CORO2A: variants seen among roughly 807,000 people sequenced by gnomAD.
The protein encoded by CORO2A is coronin-2A.
Under a neutral mutation model 62.4 loss-of-function variants are expected in CORO2A, and 47 were observed. The observed-to-expected ratio is 0.75, with a 90% CI of 0.60 to 0.96. The LOEUF is 0.96. Among genes scored for constraint, CORO2A ranks in the 40% least tolerant of loss-of-function variants. CORO2A has a pLI of 0.00. For synonymous variants in CORO2A, 273 were observed against 268.9 expected (o/e 1.02, Z -0.15); for missense variants, 610 against 684.1 (o/e 0.89, Z 1.21).
intron 3 of CORO2A, among the ~76,000 whole-genome samples, chr9:98,135,276 A>C (rs1000757000): frequency 3.9e-5 from 6 of 152,168 alleles, no homozygotes; most frequent in South Asian, 2.1e-4. Flanking sequence ...GCTGGGTTTC[A>C]GGCCTGTCTC....
intron 2 of CORO2A, among the ~76,000 whole-genome samples, chr9:98,147,474 A>G (rs1827656970): frequency 1.3e-5 from 2 of 152,192 alleles, no homozygotes; most frequent in African/African-American, 2.4e-5. Flanking sequence ...TATTATTTTT[A>G]TCTACTTTTG....
At chr9:98,162,243 T>C (rs1564212514) in intron 1 of CORO2A, among the ~76,000 whole-genome samples, 1 of 152,106 alleles carries the variant, frequency 6.6e-6, no homozygotes, top group African/African-American at 2.4e-5. Flanking sequence ...ATACCCATGA[T>C]GACAATAGCT....
intron 1 of CORO2A, among the ~76,000 whole-genome samples, chr9:98,177,471 T>A: frequency 7.2e-6 from 1 of 138,084 alleles, no homozygotes; most frequent in Non-Finnish European, 1.5e-5. Flanking sequence ...TTTTTTTTTT[T>A]TTTTTTTTTG....
intron 1 of CORO2A, among the ~76,000 whole-genome samples, chr9:98,184,759 G>C (rs1828218557): frequency 1.3e-5 from 2 of 152,148 alleles, no homozygotes; most frequent in South Asian, 4.1e-4. Flanking sequence ...TTAAATCAAG[G>C]GGTGTGTGGT....
intron 6 of CORO2A, among the ~76,000 whole-genome samples, chr9:98,131,436 T>C (rs1396426410): frequency 6.6e-6 from 1 of 151,738 alleles, no homozygotes; most frequent in Non-Finnish European, 1.5e-5. Flanking sequence ...AGCGATCCTC[T>C]CGCCTCAGTC....
intron 2 of CORO2A, among the ~76,000 whole-genome samples, chr9:98,156,958 A>G (rs546999333): frequency 2.0e-4 from 31 of 152,142 alleles, no homozygotes; most frequent in Non-Finnish European, 3.5e-4. Context: ...CTATGTGAAA[A>G]TGTTGCTTTT....
intron 1 of CORO2A, among the ~76,000 whole-genome samples, chr9:98,186,682 A>T (rs991408191): frequency 1.1e-4 from 16 of 152,234 alleles, no homozygotes; most frequent in Non-Finnish European, 2.2e-4. Flanking sequence ...TCCATTTTAA[A>T]ACGGGAGAAA....
In CORO2A at chr9:98,178,591, A is replaced by G. The variant is rs1242876549; in HGVS notation, c.-1+13968T>C. On this transcript the variant is annotated intron_variant, in intron 1 of 11. Transcript: ENST00000375077. Reference sequence around the variant, plus strand: ...CAGACTAAAGAGTAAGGGAGTCCTCATTACCCTTTCTCAGAGTGTTTCCCC... The same window carrying G: ...CAGACTAAAGAGTAAGGGAGTCCTCGTTACCCTTTCTCAGAGTGTTTCCCC... Among the ~76,000 whole-genome samples the G allele has an allele frequency of 3.9e-5, 6 of 152,250 alleles. No homozygotes were observed. The East Asian group carries it at 1.2e-3, about 29-fold the overall frequency.
At position 98,154,812 on chromosome 9, in the gene CORO2A, G is replaced by A. The variant is rs141688919; in HGVS notation, c.201+2648C>T. The stretch of plus-strand genomic sequence containing the variant: ...TGTGGTTTTGTACATTCACTTGTAT[G>A]GATATGCCATAATTTATTTATGAAG... On this transcript the variant is annotated intron_variant, in intron 2 of 11. Transcript: ENST00000375077. Among the ~76,000 whole-genome samples, 1,055 of 152,226 alleles carry A rather than the reference G, an allele frequency of 6.9e-3. 9 individuals carry two copies. Among genetic ancestry groups the A allele is most frequent in the African/African-American group, 0.023 (952 of 41,526 alleles).
intron 1 of CORO2A, among the ~76,000 whole-genome samples, chr9:98,173,378 C>T (rs528453808): frequency 3.3e-5 from 5 of 152,314 alleles, no homozygotes; most frequent in Middle Eastern, 6.8e-3. Flanking sequence ...ATCTCCACTT[C>T]GTGAGTGTGG....
intron 1 of CORO2A, among the ~76,000 whole-genome samples, chr9:98,186,952 C>T (rs10818585): frequency 0.57 from 87,152 of 151,926 alleles, 26,744 homozygotes; most frequent in African/African-American, 0.82. Flanking sequence ...CACCTGTCTT[C>T]GTCCGTTGCT....
At chr9:98,127,099 T>C (rs1158509079) in intron 10 of CORO2A, among the ~76,000 whole-genome samples, 1 of 152,206 alleles carries the variant, frequency 6.6e-6, no homozygotes, top group Non-Finnish European at 1.5e-5. Context: ...CAAACTCACA[T>C]GAGACCTTGC....
At chr9:98,153,381 G>T (rs539682178) in intron 2 of CORO2A, among the ~76,000 whole-genome samples, 107 of 150,616 alleles carry the variant, frequency 7.1e-4, no homozygotes, top group African/African-American at 2.5e-3. Context: ...GATTACAGGC[G>T]TAAGCCAGCG....
intron 1 of CORO2A, among the ~76,000 whole-genome samples, chr9:98,166,243 G>A (rs1370807720): frequency 6.6e-6 from 1 of 152,098 alleles, no homozygotes; most frequent in Non-Finnish European, 1.5e-5. Flanking sequence ...AAATAGAAGA[G>A]CTAAATCTAT....
intron 8 of CORO2A, among the ~76,000 whole-genome samples, chr9:98,129,187 G>A (rs959090325): frequency 6.6e-6 from 1 of 152,190 alleles, no homozygotes; most frequent in African/African-American, 2.4e-5. Flanking sequence ...GCCTCCCAAA[G>A]TGCTGGATTA....
chr9:98,138,008 T>C (rs1827512043), intron 2 of CORO2A, among the ~76,000 whole-genome samples: 1 of 152,210 alleles, frequency 6.6e-6, no homozygotes, highest in Non-Finnish European at 1.5e-5. Context: ...CACACACTGC[T>C]GGTAGGCATG....
intron 3 of CORO2A, among the ~76,000 whole-genome samples, chr9:98,135,464 C>A (rs1802952678): frequency 6.6e-6 from 1 of 152,112 alleles, no homozygotes; most frequent in African/African-American, 2.4e-5. Flanking sequence ...GGATGGCCTG[C>A]AAGAGGAAAC....
rs532844905 is a variant in CORO2A at position 98,191,440 on chromosome 9, C to A, written c.-1+1119G>T. ...ACTGCTGGGCCTGGGGCTGCTGGGT[C>A]TGGAGATGAGCATATTTAAGGGACC... On this transcript the variant is annotated intron_variant, in intron 1 of 11. Transcript: ENST00000375077. 3.9e-5 allele frequency among the ~76,000 whole-genome samples: 6 copies of A among 152,318 alleles called. No individual in the cohort carries two copies. In the South Asian group the frequency reaches 1.0e-3, roughly 26 times the overall value.
chr9:98,149,495 G>A (rs1489468935), intron 2 of CORO2A, among the ~76,000 whole-genome samples: 2 of 152,244 alleles, frequency 1.3e-5, no homozygotes, highest in Admixed American at 6.5e-5. Flanking sequence ...TTCTGCAGGA[G>A]GCAAAAGAAG....
Sources: allele counts gnomAD v4.1 joint callset (sites outside exome capture counted in the v4.1 genomes callset), GRCh38; gene constraint gnomAD v4.1.1; transcripts MANE v1.5; gene names NCBI Gene and HGNC (gene_info 2026-07-23, HGNC 2026-07-21).